The following RERE variants were observed in gnomAD, a reference collection of about 807,000 sequenced individuals.
RERE encodes the protein arginine-glutamic acid dipeptide repeats protein.
Under a neutral mutation model 146.1 loss-of-function variants are expected in RERE, and 40 were observed. The ratio of observed to expected loss-of-function variants is 0.27; its 90% CI spans 0.21 to 0.36. The LOEUF (loss-of-function observed/expected upper bound fraction) is 0.36, where lower values mean the gene tolerates loss of function less well. Ranked by LOEUF, RERE falls within the 10% of genes least tolerant of loss-of-function variation. RERE has a pLI of 1.00. For missense variants in RERE, 1,933 were observed against 2,138.7 expected (o/e 0.90, Z 1.90); for synonymous variants, 1,003 against 866.0 (o/e 1.16, Z -2.78).
Position 8,356,094 on chromosome 1 carries a change from T to C in RERE, c.4486+6A>G, listed in dbSNP as rs1641281749. The stretch of plus-strand genomic sequence containing the variant: ...CTCCCCGCCCCTCCTGGAGGGGAAG[T>C]CTTACCGAAAACTGGGTGGCGAAGC... On this transcript the variant is annotated splice_donor_region_variant and intron_variant, in intron 21 of 22. Transcript: ENST00000400908. The surrounding 1 kb of genome is among the most constrained non-coding windows in gnomAD (Gnocchi z 5.2). The C allele has an allele frequency of 6.7e-7, 1 of 1,491,306 alleles. No individual in the cohort carries two copies. The highest frequency in any genetic ancestry group is 8.9e-7 in the Non-Finnish European group (1 of 1,123,146). The allele number at this position is 1,491,306 out of a possible 1,614,324, so 92.4% of individuals were successfully genotyped here.
intron 2 of RERE, among the ~76,000 whole-genome samples, chr1:8,627,341 TA>T (rs548644206): frequency 4.0e-5 from 6 of 151,254 alleles, no homozygotes; most frequent in Non-Finnish European, 5.9e-5. Context: ...GTGTGGGGGT[TA>T]AAAAAAATAA....
At chr1:8,756,379 G>A (rs11121225) in intron 1 of RERE, among the ~76,000 whole-genome samples, 21,711 of 152,068 alleles carry the variant, frequency 0.14, 1,956 homozygotes, top group Middle Eastern at 0.23. Flanking sequence ...ATTCAGTGAA[G>A]ATAATTATTA....
At chr1:8,599,844 T>C (rs1166033239) in intron 4 of RERE, among the ~76,000 whole-genome samples, 1 of 152,164 alleles carries the variant, frequency 6.6e-6, no homozygotes, top group African/African-American at 2.4e-5. Flanking sequence ...TGCCATGCAA[T>C]CCTTAAACTG....
At chr1:8,591,447 AG>A (rs1646492765) in intron 4 of RERE, among the ~76,000 whole-genome samples, 2 of 152,190 alleles carry the variant, frequency 1.3e-5, no homozygotes, top group Admixed American at 1.3e-4. Context: ...AAAAAAGAAA[AG>A]AAAAGCCAAT....
chr1:8,534,601 A>G (rs1311055659), intron 7 of RERE, among the ~76,000 whole-genome samples: 3 of 152,190 alleles, frequency 2.0e-5, no homozygotes, highest in African/African-American at 7.2e-5. Flanking sequence ...CACTGGGACA[A>G]TCTGACCTCA....
At chr1:8,549,160 C>T (rs139333398) in intron 6 of RERE, among the ~76,000 whole-genome samples, 77 of 152,178 alleles carry the variant, frequency 5.1e-4, no homozygotes, top group African/African-American at 1.8e-3. Context: ...ATGCCTAATA[C>T]CCAGATCTTG....
rs1640544950 is a variant in RERE at position 8,751,901 on chromosome 1, G to A, written c.-145+65259C>T. ...CTAAGAAGTCATAATAGAATTTTCA[G>A]CACTTGACTGTAGTACGGGAACTGT... On this transcript the variant is annotated intron_variant, in intron 1 of 22. Transcript: ENST00000400908. 2.0e-5 allele frequency among the ~76,000 whole-genome samples: 3 copies of A among 149,208 alleles called. No individual in the cohort carries two copies. The Admixed American group carries it at 2.0e-4, about 10-fold the overall frequency.
intron 1 of RERE, among the ~76,000 whole-genome samples, chr1:8,813,341 T>C (rs1415724153): frequency 6.6e-6 from 1 of 152,196 alleles, no homozygotes; most frequent in South Asian, 2.1e-4. Flanking sequence ...AGTAGCTTAG[T>C]AGGAAAGCAT....
intron 1 of RERE, among the ~76,000 whole-genome samples, chr1:8,758,246 C>T (rs1640684547): frequency 6.6e-6 from 1 of 151,752 alleles, no homozygotes; most frequent in Non-Finnish European, 1.5e-5. Flanking sequence ...CCACCATGCC[C>T]GGCAAATTTT....
At chr1:8,635,117 A>C (rs1647081470) in intron 2 of RERE, among the ~76,000 whole-genome samples, 2 of 152,300 alleles carry the variant, frequency 1.3e-5, no homozygotes, top group Admixed American at 6.5e-5. Context: ...TTTTTCCTTT[A>C]AAGATCTTCA....
chr1:8,742,062 G>A (rs1033656452), intron 1 of RERE, among the ~76,000 whole-genome samples: 3 of 152,160 alleles, frequency 2.0e-5, no homozygotes, highest in South Asian at 2.1e-4. Context: ...AGTTTTCAAG[G>A]TGAACAGTGC....
intron 1 of RERE, among the ~76,000 whole-genome samples, chr1:8,812,943 TA>T (rs898887859): frequency 2.2e-4 from 33 of 149,670 alleles, no homozygotes; most frequent in Admixed American, 1.4e-3. Context: ...CTCCATTATT[TA>T]AAAAAAAAAC....
At chr1:8,738,983 C>T (rs571808305) in intron 1 of RERE, among the ~76,000 whole-genome samples, 2 of 152,152 alleles carry the variant, frequency 1.3e-5, no homozygotes, top group African/African-American at 2.4e-5. Flanking sequence ...CCATCTCTCT[C>T]CCCAAATATG....
At chr1:8,476,555 ACACT>A (rs1644759219) in intron 10 of RERE, among the ~76,000 whole-genome samples, 1 of 152,354 alleles carries the variant, frequency 6.6e-6, no homozygotes, top group East Asian at 1.9e-4. Flanking sequence ...ATCCATGAAA[ACACT>A]CACAGTGCTA....
intron 4 of RERE, among the ~76,000 whole-genome samples, chr1:8,608,164 T>C (rs1316368192): frequency 2.0e-5 from 3 of 152,086 alleles, no homozygotes; most frequent in African/African-American, 7.2e-5. Context: ...GCTGGGATTA[T>C]AGGCATGAGC....
At chr1:8,456,051 T>A (rs566412636) in intron 11 of RERE, among the ~76,000 whole-genome samples, 1 of 152,140 alleles carries the variant, frequency 6.6e-6, no homozygotes, top group South Asian at 2.1e-4. Context: ...TTAAGAATAA[T>A]CACCACAGGC....
intron 12 of RERE, among the ~76,000 whole-genome samples, chr1:8,380,146 T>C (rs2124404921): frequency 6.6e-6 from 1 of 152,058 alleles, no homozygotes; most frequent in South Asian, 2.1e-4. Flanking sequence ...TATGCTGGGA[T>C]TGGTCTGTGA....
chr1:8,398,829 C>T (rs192271481), intron 12 of RERE, among the ~76,000 whole-genome samples: 1 of 152,274 alleles, frequency 6.6e-6, no homozygotes, highest in Non-Finnish European at 1.5e-5. Flanking sequence ...CTGTGATTTT[C>T]ACTTCATATC....
chr1:8,744,516 T>C (rs1415457754), intron 1 of RERE, among the ~76,000 whole-genome samples: 4 of 152,232 alleles, frequency 2.6e-5, no homozygotes, highest in Admixed American at 6.5e-5. Context: ...GCAATGTAAC[T>C]GATGGGTACA....
Sources: gnomAD v4.1 joint callset for allele counts (sites outside exome capture counted in the v4.1 genomes callset) on GRCh38, gnomAD v4.1.1 for gene constraint, Gnocchi (gnomAD v3.1) non-coding constraint, MANE v1.5 for transcripts, NCBI Gene and HGNC (gene_info 2026-07-23, HGNC 2026-07-21) for gene names.